IGSF11: variants seen among roughly 807,000 people sequenced by gnomAD.
IGSF11 encodes the protein immunoglobulin superfamily member 11, also known as CXADR like 1.
IGSF11 carries 22 observed loss-of-function variants against 41.0 expected under a neutral mutation model. The ratio of observed to expected loss-of-function variants is 0.54; its 90% CI spans 0.38 to 0.77. The LOEUF is 0.77. IGSF11 is among the 30% of genes least tolerant of loss of function. The pLI, the probability that IGSF11 is intolerant of heterozygous loss-of-function variation, is 0.00. For synonymous variants in IGSF11, 219 were observed against 201.3 expected (o/e 1.09, Z -0.74); for missense variants, 444 against 530.8 (o/e 0.84, Z 1.61).
At chr3:118,975,572 G>A (rs1933997733) in intron 1 of IGSF11, among the ~76,000 whole-genome samples, 1 of 152,124 alleles carries the variant, frequency 6.6e-6, no homozygotes, top group South Asian at 2.1e-4. Flanking sequence ...CAACTCTTAT[G>A]TTCACTGCAG....
At chr3:119,077,909 A>G (rs2076527061) in intron 1 of IGSF11, among the ~76,000 whole-genome samples, 1 of 152,182 alleles carries the variant, frequency 6.6e-6, no homozygotes, top group South Asian at 2.1e-4. Flanking sequence ...AGCCAAATCA[A>G]GAATGCAATC....
rs982728001 is a variant in IGSF11, at chr3:119,041,646, A to G, written c.49+63498T>C. ...TACTACATATGCTGCAGATATTTAA[A>G]AGAGAAGAAAAATGTGAATAATTTT... On this transcript the variant is annotated intron_variant, in intron 1 of 6. Coordinates refer to the IGSF11 transcript ENST00000354673. 6.6e-5 allele frequency among the ~76,000 whole-genome samples: 10 copies of G among 152,344 alleles called. No homozygotes were observed. In the East Asian group the frequency reaches 1.9e-3, roughly 29 times the overall value.
intron 1 of IGSF11, among the ~76,000 whole-genome samples, chr3:119,092,367 C>T (rs879367774): frequency 1.2e-4 from 18 of 151,952 alleles, no homozygotes; most frequent in Admixed American, 2.0e-4. Context: ...GATGGAGTCT[C>T]GCTCTGTTGA....
chr3:119,033,871 T>C (rs1184842343), intron 1 of IGSF11, among the ~76,000 whole-genome samples: 3 of 152,226 alleles, frequency 2.0e-5, no homozygotes, highest in Non-Finnish European at 2.9e-5. Flanking sequence ...AAGCTAAATT[T>C]ATAAACAGAT....
At chr3:118,976,544 T>G (rs1934126339) in intron 1 of IGSF11, among the ~76,000 whole-genome samples, 1 of 152,128 alleles carries the variant, frequency 6.6e-6, no homozygotes, top group Non-Finnish European at 1.5e-5. Context: ...CCAAGGAAGT[T>G]TCCATGCTGC....
chr3:119,057,953 AC>A (rs1187764898), intron 1 of IGSF11, among the ~76,000 whole-genome samples: 1 of 152,232 alleles, frequency 6.6e-6, no homozygotes, highest in Non-Finnish European at 1.5e-5. Context: ...CCTTCCTTAC[AC>A]CTTATACAAA....
At chr3:118,911,896 C>T (rs540217472) in intron 4 of IGSF11, among the ~76,000 whole-genome samples, 2 of 151,678 alleles carry the variant, frequency 1.3e-5, no homozygotes, top group Non-Finnish European at 2.9e-5. Flanking sequence ...ATTTAAGATA[C>T]TCTCCTGCTA....
chr3:119,036,137 A>C (rs1940890359), upstream of IGSF11, among the ~76,000 whole-genome samples: 1 of 152,256 alleles, frequency 6.6e-6, no homozygotes, highest in Non-Finnish European at 1.5e-5. Context: ...AATAACTTTT[A>C]ACAAGAATAT....
At chr3:119,101,341 C>A (rs1342494478) in intron 1 of IGSF11, among the ~76,000 whole-genome samples, 1 of 152,086 alleles carries the variant, frequency 6.6e-6, no homozygotes, top group East Asian at 1.9e-4. Flanking sequence ...GAAACCCTGT[C>A]TCTACTAAAA....
chr3:119,093,429 G>A lies in IGSF11; in HGVS notation c.49+11715C>T, dbSNP rs144604818. ...CGTTTTTTTTTTTTTAAACCTGACCGTTAAACTTACTCTGGTTGAAAACAC... is the reference window on the plus strand; with the variant it reads ...CGTTTTTTTTTTTTTAAACCTGACCATTAAACTTACTCTGGTTGAAAACAC... On this transcript the variant is annotated intron_variant, in intron 1 of 6. Coordinates refer to the IGSF11 transcript ENST00000354673. Among the ~76,000 whole-genome samples the A allele has an allele frequency of 2.1e-3, 311 of 150,736 alleles. 1 individual carries two copies. The highest frequency in any genetic ancestry group is 4.0e-3 in the Non-Finnish European group (268 of 67,778).
intron 1 of IGSF11, among the ~76,000 whole-genome samples, chr3:119,144,009 G>C (rs1021225658): frequency 6.6e-6 from 1 of 152,228 alleles, no homozygotes; most frequent in East Asian, 1.9e-4. Context: ...CAGATTTGAA[G>C]GGAAAAAGAA....
intron 4 of IGSF11, among the ~76,000 whole-genome samples, chr3:118,914,853 C>CCTGT (rs1178716457): frequency 8.0e-6 from 1 of 124,456 alleles, no homozygotes; most frequent in Non-Finnish European, 1.6e-5. Flanking sequence ...CTTAAATGTC[C>CCTGT]CTGTCTGACA....
chr3:119,139,831 G>A (rs2077617354), intron 1 of IGSF11, among the ~76,000 whole-genome samples: 1 of 152,154 alleles, frequency 6.6e-6, no homozygotes, highest in Non-Finnish European at 1.5e-5. Context: ...TTTATAATCT[G>A]TAAAGATGTA....
At chr3:118,983,760 T>C (rs752991035) in intron 1 of IGSF11, among the ~76,000 whole-genome samples, 2 of 152,216 alleles carry the variant, frequency 1.3e-5, no homozygotes, top group Non-Finnish European at 2.9e-5. Flanking sequence ...TTTTCCACTA[T>C]ATCTCACTGT....
At chr3:119,027,803 G>T (rs1442685155) in intron 1 of IGSF11, among the ~76,000 whole-genome samples, 1 of 152,132 alleles carries the variant, frequency 6.6e-6, no homozygotes, top group Non-Finnish European at 1.5e-5. Context: ...CCTGCATACT[G>T]TCAAGTCTTG....
chr3:118,909,328 T>C (rs1348464528), intron 4 of IGSF11, among the ~76,000 whole-genome samples: 2 of 152,158 alleles, frequency 1.3e-5, no homozygotes, highest in Admixed American at 6.5e-5. Context: ...GGATGTATAC[T>C]TGTTATTTGA....
intron 1 of IGSF11, among the ~76,000 whole-genome samples, chr3:118,970,972 A>C (rs1933346397): frequency 6.6e-6 from 1 of 152,190 alleles, no homozygotes; most frequent in Admixed American, 6.5e-5. Context: ...GGCAACAATA[A>C]AGCTGGCAAT....
In IGSF11 at chr3:118,960,410, CTGAT is replaced by C. The variant is rs552279861; in HGVS notation, c.53-30139_53-30136del. Among the ~76,000 whole-genome samples, 332 of 152,176 alleles carry C rather than the reference CTGAT, an allele frequency of 2.2e-3. 2 individuals carry two copies. Among genetic ancestry groups the C allele is most frequent in the African/African-American group, 6.9e-3 (287 of 41,526 alleles). ...GAAAAATACTTAGGGAAAAGGGAAA[CTGAT>C]TGTGTATTAGGTGATGAAAATGCAA... On this transcript the variant is annotated intron_variant, in intron 1 of 6. Coordinates refer to ENST00000393775, the MANE Select transcript of IGSF11 (RefSeq NM_001015887.3).
chr3:119,050,150 G>A (rs1020608795), intron 1 of IGSF11, among the ~76,000 whole-genome samples: 15 of 150,486 alleles, frequency 1.0e-4, no homozygotes, highest in African/African-American at 3.7e-4. Flanking sequence ...TTGACAAATG[G>A]GACCTAATTA....
Sources: gnomAD v4.1 joint callset for allele counts (sites outside exome capture counted in the v4.1 genomes callset) on GRCh38, gnomAD v4.1.1 for gene constraint, MANE v1.5 for transcripts, NCBI Gene and HGNC (gene_info 2026-07-23, HGNC 2026-07-21) for gene names.